The following CNBD1 variants were observed in gnomAD, a reference collection of about 807,000 sequenced individuals.
CNBD1 encodes the protein cyclic nucleotide binding domain containing 1.
Under a neutral mutation model 54.4 loss-of-function variants are expected in CNBD1, and 71 were observed. That is an observed-to-expected ratio of 1.30 (90% CI 1.08 to 1.59). The LOEUF is 1.59. Among genes scored for constraint, CNBD1 ranks in the 40% most tolerant of loss-of-function variants. The pLI is 0.00. For synonymous variants in CNBD1, 182 were observed against 170.7 expected, an observed-to-expected ratio of 1.07 and a Z score of -0.51; for missense variants, 659 against 518.0, an observed-to-expected ratio of 1.27 and a Z score of -2.64.
intron 4 of CNBD1, among the ~76,000 whole-genome samples, chr8:87,001,993 C>T (rs1254660295): frequency 6.6e-6 from 1 of 152,038 alleles, no homozygotes; most frequent in Non-Finnish European, 1.5e-5. Flanking sequence ...TTTGTTGATA[C>T]CACTCTTGGA....
rs571862236 is a variant in CNBD1, at chr8:87,121,846, G to C, written c.432-84147G>C. ...TCAAATGTTGTCACAAATAACAGGG[G>C]ACCCCCACCCTTTTTAAGGCTGTAT... On this transcript the variant is annotated intron_variant, in intron 4 of 10. Transcript: ENST00000518476. Among the ~76,000 whole-genome samples the C allele has an allele frequency of 5.9e-5, 9 of 151,544 alleles. No homozygotes were observed. In the South Asian group the frequency reaches 1.9e-3, roughly 31 times the overall value.
chr8:87,133,058 A>G (rs1233596858), intron 4 of CNBD1, among the ~76,000 whole-genome samples: 2 of 151,724 alleles, frequency 1.3e-5, no homozygotes, highest in African/African-American at 4.8e-5. Flanking sequence ...TATATTTTAA[A>G]AAATGATCTT....
At chr8:87,395,960 C>A (rs1811402702) in intron 2 of CNBD1, among the ~76,000 whole-genome samples, 1 of 151,958 alleles carries the variant, frequency 6.6e-6, no homozygotes, top group African/African-American at 2.4e-5. Context: ...ATGTTTACTT[C>A]CCCTTCTGCC....
intron 8 of CNBD1, among the ~76,000 whole-genome samples, chr8:87,317,455 C>T (rs10092073): frequency 0.45 from 68,008 of 151,332 alleles, 15,792 homozygotes; most frequent in Non-Finnish European, 0.5. Flanking sequence ...TTGAAAATAT[C>T]AATTTTCAAG....
intron 4 of CNBD1, among the ~76,000 whole-genome samples, chr8:86,962,078 A>G (rs953758775): frequency 6.6e-6 from 1 of 152,042 alleles, no homozygotes; most frequent in Non-Finnish European, 1.5e-5. Context: ...TCCACTTGTA[A>G]TCCCTGGCAC....
intron 6 of CNBD1, among the ~76,000 whole-genome samples, chr8:87,249,023 G>T (rs1010062141): frequency 3.3e-5 from 5 of 152,172 alleles, no homozygotes; most frequent in Non-Finnish European, 5.9e-5. Flanking sequence ...GATGCAGCTT[G>T]TCACTTGCCA....
intron 4 of CNBD1, among the ~76,000 whole-genome samples, chr8:87,177,798 G>A (rs1169518901): frequency 1.3e-5 from 2 of 152,118 alleles, no homozygotes; most frequent in African/African-American, 4.8e-5. Flanking sequence ...ATTTTTTAAT[G>A]TTTTAATGTA....
intron 2 of CNBD1, among the ~76,000 whole-genome samples, chr8:87,393,406 A>G (rs1408677903): frequency 6.6e-6 from 1 of 151,982 alleles, no homozygotes; most frequent in Non-Finnish European, 1.5e-5. Context: ...AATAAAGATC[A>G]GGATTTGAAA....
chr8:87,294,328 A>T (rs1431438513), intron 8 of CNBD1, among the ~76,000 whole-genome samples: 1 of 152,042 alleles, frequency 6.6e-6, no homozygotes, highest in African/African-American at 2.4e-5. Context: ...CATGTTGGGG[A>T]TGTTCTGGTT....
At chr8:87,364,963 G>A (rs1810612018) in intron 10 of CNBD1, among the ~76,000 whole-genome samples, 1 of 152,054 alleles carries the variant, frequency 6.6e-6, no homozygotes, top group Non-Finnish European at 1.5e-5. Context: ...CGCTGTGCAT[G>A]TGTCTTTATA....
rs183336242 is a variant in CNBD1, at chr8:87,428,123, T to A, written c.214-423T>A. 3.7e-3 allele frequency among the ~76,000 whole-genome samples: 475 copies of A among 128,956 alleles called. 4 individuals are homozygous for A. Among genetic ancestry groups the A allele is most frequent in the African/African-American group, 0.013 (442 of 33,154 alleles). The allele number at this position is 128,956 out of a possible 152,430, so 84.6% of individuals were successfully genotyped here. A position where few individuals can be genotyped will look rare whatever the true frequency, so the allele number is the denominator to read the frequency against. On this transcript the variant is annotated intron_variant, in intron 2 of 7. Transcript: ENST00000521593. ...ATGCCTATATCTTAGGAGCATAAGATCCTCCCCCAACCAAAAAAAAGGCAA... is the reference window on the plus strand; with the variant it reads ...ATGCCTATATCTTAGGAGCATAAGAACCTCCCCCAACCAAAAAAAAGGCAA...
intron 4 of CNBD1, among the ~76,000 whole-genome samples, chr8:87,058,879 C>A (rs941897059): frequency 1.3e-5 from 2 of 152,210 alleles, no homozygotes; most frequent in African/African-American, 4.8e-5. Context: ...CAAATTTATG[C>A]AGCAGGCTTG....
chr8:87,392,410 A>T (rs144101527), intron 2 of CNBD1, among the ~76,000 whole-genome samples: 3 of 152,182 alleles, frequency 2.0e-5, no homozygotes, highest in African/African-American at 7.2e-5. Flanking sequence ...ACAACTAAAA[A>T]GTTCATTAAC....
intron 2 of CNBD1, among the ~76,000 whole-genome samples, chr8:87,405,592 T>C (rs1277014632): frequency 6.6e-6 from 1 of 152,090 alleles, no homozygotes; most frequent in African/African-American, 2.4e-5. Context: ...TTTTTTGAAG[T>C]ATTCAGATGA....
At chr8:87,033,863 C>CT (rs1384581252) in intron 4 of CNBD1, among the ~76,000 whole-genome samples, 2 of 152,096 alleles carry the variant, frequency 1.3e-5, no homozygotes, top group Non-Finnish European at 2.9e-5. Context: ...CCATCCTTTG[C>CT]TGGCATTATA....
At chr8:87,138,449 A>G (rs988680749) in intron 4 of CNBD1, among the ~76,000 whole-genome samples, 4 of 152,196 alleles carry the variant, frequency 2.6e-5, no homozygotes, top group East Asian at 3.9e-4. Flanking sequence ...AGGCAAATTC[A>G]TTTATGGGTA....
chr8:87,284,728 A>T lies in CNBD1; in HGVS notation c.822A>T (p.Glu274Asp). ...FGTLEVMPQN[E>D]SETQMFSVVT... ...CTCTGGAAGTTATGCCTCAGAATGA[A>T]TCGGAAACACAGATGTTCTCGGTGG... Residue 274 changes from glutamate (E) to aspartate (D), a missense_variant, in exon 7 of 11, where the codon GAA becomes GAT. By Grantham distance (45) the Glu-to-Asp change is conservative. Coordinates refer to ENST00000518476, the MANE Select transcript of CNBD1 (RefSeq NM_173538.3). 6.2e-7 allele frequency: 1 copy of T among 1,606,200 alleles called. No individual in the cohort carries two copies. Among genetic ancestry groups the T allele is most frequent in the Non-Finnish European group, 8.5e-7 (1 of 1,176,330 alleles).
Position 87,066,167 on chromosome 8 carries a change from T to C in CNBD1, c.431+126413T>C, listed in dbSNP as rs557424149. ...GCAAGTCAGAATGCCAGTGTATCAA[T>C]GTATAATTTAAAAAATTAAGCTATC... On this transcript the variant is annotated intron_variant, in intron 4 of 10. Transcript: ENST00000518476. 9.2e-5 allele frequency among the ~76,000 whole-genome samples: 14 copies of C among 152,110 alleles called. No individual in the cohort carries two copies. The South Asian group carries it at 2.9e-3, about 31-fold the overall frequency.
At chr8:87,357,399 G>A (rs952689304) in intron 10 of CNBD1, among the ~76,000 whole-genome samples, 1 of 152,196 alleles carries the variant, frequency 6.6e-6, no homozygotes, top group Non-Finnish European at 1.5e-5. Flanking sequence ...AGCTGCAAGG[G>A]TGGAGCTGCC....
Sources: gnomAD v4.1 joint callset for allele counts (sites outside exome capture counted in the v4.1 genomes callset) on GRCh38, gnomAD v4.1.1 for gene constraint, MANE v1.5 for transcripts, NCBI Gene and HGNC (gene_info 2026-07-23, HGNC 2026-07-21) for gene names.